BAZ1A: variants seen among roughly 807,000 people sequenced by gnomAD.
BAZ1A encodes bromodomain adjacent to zinc finger domain protein 1A.
A neutral mutation model predicts 185.2 loss-of-function variants in BAZ1A; 50 were observed. That is an observed-to-expected ratio of 0.27 (90% CI 0.22 to 0.34). The LOEUF (loss-of-function observed/expected upper bound fraction) is 0.34. Among genes scored for constraint, BAZ1A ranks in the 10% least tolerant of loss-of-function variants. The pLI is 1.00. For missense variants in BAZ1A, 1,356 were observed against 1,839.9 expected (o/e 0.74, Z 4.81); for synonymous variants, 571 against 615.6 (o/e 0.93, Z 1.07).
At position 34,801,223 on chromosome 14, in the gene BAZ1A, G is replaced by A. The variant is rs764066511; in HGVS notation, c.862-30C>T. On this transcript the variant is annotated intron_variant, in intron 7 of 26. Coordinates refer to ENST00000360310, the MANE Select transcript of BAZ1A (RefSeq NM_013448.3). ...AAAACAAACCAAAATAGTATGCCTG[G>A]TTCTTATAGTAAGAATAAAAAGCAA... 5 of 1,484,906 alleles carry A rather than the reference G, an allele frequency of 3.4e-6. No individual in the cohort carries two copies. In the Admixed American group the frequency reaches 8.0e-5, roughly 24 times the overall value. 92.0% of individuals were successfully genotyped at this position (1,484,906 alleles called of 1,614,324 possible). A position where few individuals can be genotyped will look rare whatever the true frequency, so the allele number is the denominator to read the frequency against.
At chr14:34,842,832 C>G (rs2042438052) in intron 3 of BAZ1A, among the ~76,000 whole-genome samples, 1 of 152,052 alleles carries the variant, frequency 6.6e-6, no homozygotes, top group Admixed American at 6.6e-5. Context: ...TGTGTATGGG[C>G]TCTTCAAACT....
intron 12 of BAZ1A, among the ~76,000 whole-genome samples, chr14:34,791,015 A>G (rs1880806724): frequency 1.3e-5 from 2 of 152,012 alleles, no homozygotes; most frequent in East Asian, 1.9e-4. Flanking sequence ...CCAGCTACTC[A>G]GGAGGCTGAG....
intron 19 of BAZ1A, 117 bp from the exon 20 acceptor site, chr14:34,773,843 T>C (rs914027040): frequency 3.7e-6 from 4 of 1,091,658 alleles, no homozygotes; most frequent in Admixed American, 5.2e-5. Flanking sequence ...TGATTATGAA[T>C]CAAAAAGGTA....
In BAZ1A at chr14:34,862,214, T is replaced by G. The variant is rs1239316060; in HGVS notation, c.222A>C (p.Ala74=). The part of the protein sequence containing the change: ...YQEALESEKK[A]RQNLQSFPEP... ...CTGGAAAACTCTGAAGATTCTGTCT[T>G]GCTTTTTTTTCTGACTCAAGTGCTT... Residue 74 remains alanine, a synonymous_variant, in exon 3 of 27, where the codon GCA becomes GCC. Transcript: ENST00000360310. 1.2e-6 allele frequency: 2 copies of G among 1,614,206 alleles called. No individual in the cohort carries two copies. The highest frequency in any genetic ancestry group is 3.3e-4 in the Middle Eastern group (2 of 6,062).
At chr14:34,764,600 A>C in intron 23 of BAZ1A, 107 bp downstream of exon 23, 1 of 1,416,242 alleles carries the variant, frequency 7.1e-7, no homozygotes, top group Middle Eastern at 2.3e-4. Context: ...CCTATATATT[A>C]GTTTTAAACT....
intron 2 of BAZ1A, among the ~76,000 whole-genome samples, chr14:34,868,917 T>TAC (rs55764621): frequency 1.1e-5 from 1 of 93,050 alleles, no homozygotes; most frequent in Admixed American, 1.0e-4. Flanking sequence ...TGTGTGTGTG[T>TAC]GTGTGTGTGT....
Position 34,775,899 on chromosome 14 carries a change from A to C in BAZ1A, c.2833+20T>G. 6.4e-7 allele frequency: 1 copy of C among 1,551,802 alleles called. No homozygotes were observed. The highest frequency in any genetic ancestry group is 8.7e-7 in the Non-Finnish European group (1 of 1,147,832). On this transcript the variant is annotated intron_variant, in intron 18 of 26. Transcript: ENST00000360310. ...AGGGGGAGGGAAAAAAAGTAAAAAC[A>C]ATTTTCATTGAAAATTTACCTGAAA...
chr14:34,776,342 GAA>G lies in BAZ1A; in HGVS notation c.2408_2409del (p.Phe803SerfsTer9). 6.2e-7 allele frequency: 1 copy of G among 1,614,132 alleles called. No homozygotes were observed. The highest frequency in any genetic ancestry group is 8.5e-7 in the Non-Finnish European group (1 of 1,180,022). On this transcript the variant is annotated frameshift_variant, in exon 18 of 27. Transcript: ENST00000360310. LOFTEE classifies it high-confidence loss of function. Reference protein sequence around the residue: ...IQSAIACTNIFPLGRDRMYRR... With the variant: ...IQSAIACTNIXPLGRDRMYRR... ...CTATACATGCGGTCGCGACCCAAGG[GAA>G]AGATATTGGTACAGGCTATGGCACT...
chr14:34,837,075 A>G (rs1398338063), intron 3 of BAZ1A, among the ~76,000 whole-genome samples: 2 of 151,702 alleles, frequency 1.3e-5, no homozygotes, highest in Non-Finnish European at 2.9e-5. Flanking sequence ...GCCTGGCCTA[A>G]AAGAATGTTT....
intron 3 of BAZ1A, among the ~76,000 whole-genome samples, chr14:34,858,253 CAATT>C (rs2042713174): frequency 6.6e-6 from 1 of 151,988 alleles, no homozygotes; most frequent in African/African-American, 2.4e-5. Context: ...TATTTTTCCA[CAATT>C]AAAAAAAAAT....
chr14:34,832,209 C>CATATATATATATATATAT (rs1346957821), intron 3 of BAZ1A, among the ~76,000 whole-genome samples: 17 of 64,018 alleles, frequency 2.7e-4, no homozygotes, highest in African/African-American at 8.2e-4. Flanking sequence ...CACACACACA[C>CATATATATATATATATAT]ACACACATAT....
At chr14:34,822,191 A>G (rs757337155) in intron 4 of BAZ1A, among the ~76,000 whole-genome samples, 7 of 152,172 alleles carry the variant, frequency 4.6e-5, no homozygotes, top group Non-Finnish European at 7.4e-5. Context: ...GCTACTTGGG[A>G]GGCTGAGGTG....
chr14:34,868,832 T>C (rs1428713178), intron 2 of BAZ1A, among the ~76,000 whole-genome samples: 4 of 149,838 alleles, frequency 2.7e-5, no homozygotes, highest in Non-Finnish European at 5.9e-5. Context: ...ACAATTCAGA[T>C]AAAAACAAAG....
intron 2 of BAZ1A, among the ~76,000 whole-genome samples, chr14:34,869,238 A>C (rs1344203638): frequency 6.6e-6 from 1 of 152,140 alleles, no homozygotes; most frequent in Non-Finnish European, 1.5e-5. Context: ...AACATAACAT[A>C]ACATAAAATC....
At chr14:34,796,229 T>C (rs1881192547) in intron 9 of BAZ1A, among the ~76,000 whole-genome samples, 1 of 151,736 alleles carries the variant, frequency 6.6e-6, no homozygotes, top group African/African-American at 2.4e-5. Flanking sequence ...GCACCTGTTG[T>C]TCCAGCTACT....
chr14:34,753,365 G>T lies in BAZ1A; in HGVS notation c.*143C>A. 1 of 772,684 alleles carries T rather than the reference G, an allele frequency of 1.3e-6. No individual in the cohort carries two copies. The highest frequency in any genetic ancestry group is 2.1e-6 in the Non-Finnish European group (1 of 483,308). The allele number at this position is 772,684 out of a possible 1,614,324, so 47.9% of individuals were successfully genotyped here. A position where few individuals can be genotyped will look rare whatever the true frequency, so the allele number is the denominator to read the frequency against. On this transcript the variant is annotated 3_prime_UTR_variant, in exon 27 of 27. Transcript: ENST00000360310. ...ATATCTTTCCTACATTCTCCTGAGT[G>T]CTTAATATTAAAATTGAGAATATAG...
At chr14:34,810,132 G>GGAACAAAAGGGATGAGAACAT (rs2041909561) in intron 5 of BAZ1A, among the ~76,000 whole-genome samples, 10 of 152,024 alleles carry the variant, frequency 6.6e-5, no homozygotes, top group Admixed American at 5.9e-4. Context: ...GAATATATAT[G>GGAACAAAAGGGATGAGAACAT]GAACAAAAGG....
At chr14:34,781,337 A>G (rs572564314) in intron 16 of BAZ1A, among the ~76,000 whole-genome samples, 1 of 152,322 alleles carries the variant, frequency 6.6e-6, no homozygotes, top group East Asian at 1.9e-4. Context: ...AGGTTATGCA[A>G]TCATTACCAC....
intron 25 of BAZ1A, among the ~76,000 whole-genome samples, chr14:34,757,327 T>C (rs1442904791): frequency 7.0e-6 from 1 of 143,186 alleles, no homozygotes. Flanking sequence ...ATCGCGCCAT[T>C]GCACTCCAGC....
Sources: gnomAD v4.1 joint callset for allele counts (sites outside exome capture counted in the v4.1 genomes callset) on GRCh38, gnomAD v4.1.1 for gene constraint, MANE v1.5 for transcripts, NCBI Gene and HGNC (gene_info 2026-07-23, HGNC 2026-07-21) for gene names.